FHIT: variants seen among roughly 807,000 people sequenced by gnomAD.
FHIT encodes fragile histidine triad diadenosine triphosphatase, also known as bis(5'-adenosyl)-triphosphatase.
FHIT carries 19 observed loss-of-function variants against 17.9 expected under a neutral mutation model. The ratio of observed to expected loss-of-function variants is 1.06; its 90% CI spans 0.74 to 1.56. FHIT has a LOEUF of 1.56. Among genes scored for constraint, FHIT ranks in the 40% most tolerant of loss-of-function variants. The pLI is 0.00. For synonymous variants in FHIT, 81 were observed against 69.7 expected (o/e 1.16, Z -0.81); for missense variants, 248 against 189.2 (o/e 1.31, Z -1.82).
intron 1 of FHIT, among the ~76,000 whole-genome samples, chr3:61,248,575 C>G (rs1281272019): frequency 6.6e-6 from 1 of 152,072 alleles, no homozygotes; most frequent in East Asian, 1.9e-4. Flanking sequence ...AACATAGTGT[C>G]AGAATTTGTT....
rs546164504 is a variant in FHIT, at chr3:60,793,590, A to T, written c.-18+28329T>A. ...AGTGCTGGGATTATAGGCATGAGCCATAGCGCCCAGACAAACAAGCGGGGG... is the reference window on the plus strand; with the variant it reads ...AGTGCTGGGATTATAGGCATGAGCCTTAGCGCCCAGACAAACAAGCGGGGG... On this transcript the variant is annotated intron_variant, in intron 4 of 9. Coordinates refer to ENST00000492590, the MANE Select transcript of FHIT (RefSeq NM_002012.4). Among the ~76,000 whole-genome samples, 5 of 152,356 alleles carry T rather than the reference A, an allele frequency of 3.3e-5. No homozygotes were observed. In the East Asian group the frequency reaches 5.8e-4, roughly 18 times the overall value.
intron 3 of FHIT, among the ~76,000 whole-genome samples, chr3:61,024,661 GAATA>G (rs2032637970): frequency 6.6e-6 from 1 of 152,066 alleles, no homozygotes; most frequent in African/African-American, 2.4e-5. Context: ...AATGCCAGTT[GAATA>G]AATACTGTAA....
intron 4 of FHIT, among the ~76,000 whole-genome samples, chr3:60,540,559 G>T (rs2036153571): frequency 1.3e-5 from 2 of 152,174 alleles, no homozygotes; most frequent in Non-Finnish European, 2.9e-5. Flanking sequence ...CCGCTGCTTT[G>T]TGTGTTGGGG....
chr3:59,958,394 G>A (rs1176709943), intron 7 of FHIT, among the ~76,000 whole-genome samples: 1 of 152,130 alleles, frequency 6.6e-6, no homozygotes, highest in Non-Finnish European at 1.5e-5. Flanking sequence ...ATTGCACAAT[G>A]AGGTCTCACT....
chr3:60,348,927 C>A (rs766116093), intron 5 of FHIT, among the ~76,000 whole-genome samples: 1 of 152,208 alleles, frequency 6.6e-6, no homozygotes, highest in Admixed American at 6.5e-5. Context: ...ATTGCCCAGC[C>A]AGCTAACCCT....
chr3:60,560,348 T>G (rs2036892601), intron 4 of FHIT, among the ~76,000 whole-genome samples: 1 of 152,006 alleles, frequency 6.6e-6, no homozygotes, highest in Non-Finnish European at 1.5e-5. Flanking sequence ...GATAATGATC[T>G]CCTTAAGGGC....
intron 5 of FHIT, among the ~76,000 whole-genome samples, chr3:60,159,736 C>G (rs1035807805): frequency 7.2e-5 from 11 of 152,130 alleles, no homozygotes; most frequent in African/African-American, 1.7e-4. Flanking sequence ...CAGTTCAAAG[C>G]TGAGGAAACT....
At chr3:61,180,419 T>C (rs531421001) in intron 2 of FHIT, among the ~76,000 whole-genome samples, 2 of 152,362 alleles carry the variant, frequency 1.3e-5, no homozygotes, top group South Asian at 2.1e-4. Flanking sequence ...AGTCAGAAGA[T>C]AATATGCTAA....
chr3:60,280,781 T>C (rs1037993149), intron 5 of FHIT, among the ~76,000 whole-genome samples: 2 of 152,158 alleles, frequency 1.3e-5, no homozygotes, highest in African/African-American at 4.8e-5. Context: ...AGGCAAGATT[T>C]TCCCCTGTTA....
chr3:60,350,546 A>T (rs1210918346), intron 5 of FHIT, among the ~76,000 whole-genome samples: 2 of 152,172 alleles, frequency 1.3e-5, no homozygotes, highest in Non-Finnish European at 2.9e-5. Flanking sequence ...GTGCTTTCCC[A>T]AAGATGATGT....
At chr3:59,905,010 C>T (rs1297490103) in intron 8 of FHIT, among the ~76,000 whole-genome samples, 4 of 152,226 alleles carry the variant, frequency 2.6e-5, no homozygotes, top group African/African-American at 4.8e-5. Context: ...GCTTACCAAA[C>T]AGAAAGGGAA....
intron 7 of FHIT, among the ~76,000 whole-genome samples, chr3:59,946,662 T>G (rs1020799129): frequency 3.9e-5 from 6 of 152,032 alleles, no homozygotes; most frequent in African/African-American, 1.4e-4. Flanking sequence ...GATTTGTCAT[T>G]ATTATTTTGA....
rs894067410 is a variant in FHIT, at chr3:60,380,926, G to T, written c.103+155934C>A. Among the ~76,000 whole-genome samples, 29 of 151,798 alleles carry T rather than the reference G, an allele frequency of 1.9e-4. 1 individual carries two copies. Among genetic ancestry groups the T allele is most frequent in the Non-Finnish European group, 2.9e-5 (2 of 67,964 alleles). On this transcript the variant is annotated intron_variant, in intron 5 of 9. Coordinates refer to ENST00000492590, the MANE Select transcript of FHIT (RefSeq NM_002012.4). ...GTACATCTTCTTGAGTGGCTGCCTG[G>T]TTCCACTATGCGAACATCATGGCAA...
Position 60,108,940 on chromosome 3 carries a change from G to A in FHIT, c.104-94788C>T, listed in dbSNP as rs536234504. 1.1e-3 allele frequency among the ~76,000 whole-genome samples: 160 copies of A among 152,312 alleles called. 1 individual carries two copies. Among genetic ancestry groups the A allele is most frequent in the African/African-American group, 3.0e-3 (125 of 41,580 alleles). On this transcript the variant is annotated intron_variant, in intron 5 of 9. Transcript: ENST00000492590. Reference sequence around the variant, plus strand: ...AACCTCCCAAAGTGCCAGGATTACAGGCGTGAGCCACCATGCCCAGCCATT... The same window carrying A: ...AACCTCCCAAAGTGCCAGGATTACAAGCGTGAGCCACCATGCCCAGCCATT...
At chr3:60,337,109 A>C (rs1022189956) in intron 5 of FHIT, among the ~76,000 whole-genome samples, 21 of 152,178 alleles carry the variant, frequency 1.4e-4, no homozygotes, top group African/African-American at 5.1e-4. Flanking sequence ...TAAGCTTGGC[A>C]ACATTTATTC....
rs548381263 is a variant in FHIT at position 60,731,569 on chromosome 3, C to T, written c.-18+90350G>A. ...GCCTGCATGCACAGTGTGTTTACTG[C>T]AGTGGTATGCATACCCACTTGAGGC... On this transcript the variant is annotated intron_variant, in intron 4 of 9. Coordinates refer to ENST00000492590, the MANE Select transcript of FHIT (RefSeq NM_002012.4). 2.0e-5 allele frequency among the ~76,000 whole-genome samples: 3 copies of T among 152,258 alleles called. No individual in the cohort carries two copies. The East Asian group carries it at 5.8e-4, about 29-fold the overall frequency.
intron 5 of FHIT, among the ~76,000 whole-genome samples, chr3:60,413,061 G>A (rs150845319): frequency 1.2e-4 from 18 of 152,206 alleles, no homozygotes; most frequent in Admixed American, 3.9e-4. Flanking sequence ...GTTCTTCATA[G>A]CAGTGTGAAA....
chr3:60,146,448 C>T (rs1356187588), intron 5 of FHIT, among the ~76,000 whole-genome samples: 4 of 151,788 alleles, frequency 2.6e-5, no homozygotes, highest in Non-Finnish European at 5.9e-5. Context: ...TCTCTTTTTC[C>T]TGCTTTACTT....
intron 8 of FHIT, among the ~76,000 whole-genome samples, chr3:59,806,363 A>G (rs1293758371): frequency 6.6e-6 from 1 of 152,084 alleles, no homozygotes; most frequent in South Asian, 2.1e-4. Flanking sequence ...CAAACACTTG[A>G]CTATGGCCAC....
Sources: allele counts gnomAD v4.1 joint callset (sites outside exome capture counted in the v4.1 genomes callset), GRCh38; gene constraint gnomAD v4.1.1; transcripts MANE v1.5; gene names NCBI Gene and HGNC (gene_info 2026-07-23, HGNC 2026-07-21).